Variants in LRRC37A2 observed in about 807,000 individuals in gnomAD.
LRRC37A2 encodes leucine rich repeat containing 37 member A2, also known as leucine-rich repeat-containing protein 37A2.
In LRRC37A2, 9 loss-of-function variants were observed where a neutral mutation model predicts 68.8. The observed-to-expected ratio is 0.13, with a 90% CI of 0.08 to 0.23. The LOEUF (loss-of-function observed/expected upper bound fraction) is 0.23. Ranked by LOEUF, LRRC37A2 falls within the 10% of genes least tolerant of loss-of-function variation. The pLI is 1.00. For synonymous variants in LRRC37A2, 63 were observed against 367.6 expected (o/e 0.17, Z 9.48); for missense variants, 168 against 950.4 (o/e 0.18, Z 10.82).
chr17:46,815,792 G>T, the LRRC37A2 span, among the ~76,000 whole-genome samples: 1 of 152,184 alleles, frequency 6.6e-6, no homozygotes, highest in South Asian at 2.1e-4. Context: ...TGTGCCCCCT[G>T]CAGCCACCTT....
At chr17:46,923,505 G>C in the LRRC37A2 span, 1 of 1,381,200 alleles carries the variant, frequency 7.2e-7, no homozygotes, top group Non-Finnish European at 9.3e-7. Flanking sequence ...ACTGGCACCT[G>C]CAGGTTATAA....
the LRRC37A2 span, among the ~76,000 whole-genome samples, chr17:46,981,993 G>C: frequency 1.3e-5 from 2 of 152,232 alleles, no homozygotes; most frequent in South Asian, 2.1e-4. Context: ...GAGCCACTGT[G>C]CCTGGCAAAA....
At chr17:46,863,212 C>A in the LRRC37A2 span, among the ~76,000 whole-genome samples, 1 of 152,210 alleles carries the variant, frequency 6.6e-6, no homozygotes, top group African/African-American at 2.4e-5. Context: ...TAGGTGGTAG[C>A]CTCTGCAGCC....
At chr17:47,042,183 G>C in the LRRC37A2 span, 1 of 145,972 alleles carries the variant, frequency 6.9e-6, no homozygotes, top group African/African-American at 2.5e-5. Context: ...ATGATTAGGG[G>C]AAAGACATAA....
chr17:47,039,087 A>G, the LRRC37A2 span, among the ~76,000 whole-genome samples: 6 of 151,402 alleles, frequency 4.0e-5, no homozygotes, highest in African/African-American at 1.5e-4. Context: ...TTTATCTAGA[A>G]TATCTTAATT....
At chr17:46,974,550 C>T in the LRRC37A2 span, among the ~76,000 whole-genome samples, 7 of 152,158 alleles carry the variant, frequency 4.6e-5, no homozygotes, top group South Asian at 4.1e-4. Flanking sequence ...CTGGCTAACA[C>T]GGTGAAACCC....
the LRRC37A2 span, among the ~76,000 whole-genome samples, chr17:46,950,776 G>C: frequency 6.6e-6 from 1 of 152,158 alleles, no homozygotes; most frequent in African/African-American, 2.4e-5. Flanking sequence ...CTGAGACATG[G>C]GGCTGATGAG....
At chr17:46,823,465 G>A in the LRRC37A2 span, among the ~76,000 whole-genome samples, 3 of 151,280 alleles carry the variant, frequency 2.0e-5, no homozygotes, top group African/African-American at 7.3e-5. Context: ...TTAAGACAGA[G>A]TCTCACTGTG....
the LRRC37A2 span, among the ~76,000 whole-genome samples, chr17:46,770,311 T>C: frequency 6.6e-6 from 1 of 152,226 alleles, no homozygotes. Context: ...GGCAAAGCAG[T>C]GCCTGTTAGA....
the LRRC37A2 span, among the ~76,000 whole-genome samples, chr17:46,390,416 A>G: frequency 8.8e-6 from 1 of 113,410 alleles, no homozygotes. Context: ...ACAGCCAGGC[A>G]CGGTGGCCCA....
chr17:46,941,304 A>C, the LRRC37A2 span: 3 of 985,626 alleles, frequency 3.0e-6, no homozygotes, highest in Non-Finnish European at 3.6e-6. Flanking sequence ...ATTTGGATTT[A>C]CACCCATTGT....
chr17:46,860,439 G>T, the LRRC37A2 span, among the ~76,000 whole-genome samples: 1 of 152,102 alleles, frequency 6.6e-6, no homozygotes, highest in Non-Finnish European at 1.5e-5. Flanking sequence ...AGTGTAAGGG[G>T]CACTGGGCTT....
At chr17:47,002,122 G>T in the LRRC37A2 span, among the ~76,000 whole-genome samples, 2 of 151,908 alleles carry the variant, frequency 1.3e-5, no homozygotes, top group Non-Finnish European at 2.9e-5. Flanking sequence ...TATTTTTTTG[G>T]TCAGGTTTCT....
chr17:46,625,685 A>G, the LRRC37A2 span, among the ~76,000 whole-genome samples: 1 of 74,446 alleles, frequency 1.3e-5, no homozygotes, highest in South Asian at 4.7e-4. Context: ...AGTGGCAAAA[A>G]AAATACGTAT....
At chr17:46,851,760 C>G in the LRRC37A2 span, 6 of 1,026,090 alleles carry the variant, frequency 5.8e-6, no homozygotes, top group African/African-American at 8.3e-5. The surrounding 1 kb of genome is among the most constrained non-coding windows in gnomAD (Gnocchi z 4.3). Flanking sequence ...GCCTGCCTGT[C>G]TCTCCCTCCT....
At chr17:47,010,329 T>G in the LRRC37A2 span, 1 of 151,850 alleles carries the variant, frequency 6.6e-6, no homozygotes, top group Non-Finnish European at 1.5e-5. Context: ...ATATGGGGGG[T>G]GACAGGAGGC....
At chr17:46,962,795 A>C in the LRRC37A2 span, among the ~76,000 whole-genome samples, 2 of 152,366 alleles carry the variant, frequency 1.3e-5, no homozygotes, top group East Asian at 3.9e-4. Flanking sequence ...CTGCAGGATC[A>C]TGAAAGATAA....
chr17:47,003,243 CAAA>C, the LRRC37A2 span, among the ~76,000 whole-genome samples: 595 of 73,182 alleles, frequency 8.1e-3, no homozygotes, highest in East Asian at 0.029. Context: ...AATAGAGACT[CAAA>C]AAAAAAAAAA....
chr17:47,043,746 A>G, the LRRC37A2 span, among the ~76,000 whole-genome samples: 2 of 141,952 alleles, frequency 1.4e-5, no homozygotes, highest in African/African-American at 5.0e-5. Context: ...CTTTATAAAG[A>G]TAAAAGACAA....
Sources: allele counts gnomAD v4.1 joint callset (sites outside exome capture counted in the v4.1 genomes callset), GRCh38; gene constraint gnomAD v4.1.1; non-coding constraint Gnocchi (gnomAD v3.1); transcripts MANE v1.5; gene names NCBI Gene and HGNC (gene_info 2026-07-23, HGNC 2026-07-21).